Variants in ENTHD1 observed in about 807,000 individuals in gnomAD.
ENTHD1 encodes ENTH domain-containing protein 1.
A neutral mutation model predicts 39.1 loss-of-function variants in ENTHD1; 23 were observed. That is an observed-to-expected ratio of 0.59 (90% CI 0.42 to 0.83). The LOEUF (loss-of-function observed/expected upper bound fraction) is 0.83, where lower values mean the gene tolerates loss of function less well. ENTHD1 is among the 40% of genes least tolerant of loss of function. The pLI is 0.00. For missense variants in ENTHD1, 624 were observed against 705.4 expected (o/e 0.88, Z 1.31); for synonymous variants, 230 against 258.2 (o/e 0.89, Z 1.05).
chr22:39,830,121 G>T (rs982175523), intron 4 of ENTHD1, among the ~76,000 whole-genome samples: 1 of 152,158 alleles, frequency 6.6e-6, no homozygotes, highest in Non-Finnish European at 1.5e-5. Context: ...TGTCACCCAG[G>T]CTGGAGTGCA....
At chr22:39,838,465 C>T (rs544643889) in intron 3 of ENTHD1, among the ~76,000 whole-genome samples, 1 of 152,142 alleles carries the variant, frequency 6.6e-6, no homozygotes, top group Non-Finnish European at 1.5e-5. Context: ...TAATAAAGCA[C>T]CTTCTTGTCC....
chr22:39,848,402 C>G (rs2066008367), intron 3 of ENTHD1, among the ~76,000 whole-genome samples: 1 of 151,938 alleles, frequency 6.6e-6, no homozygotes, highest in Admixed American at 6.6e-5. Context: ...TACAGGCATG[C>G]ACCACCATGC....
chr22:39,746,271 T>C (rs1265857476), intron 6 of ENTHD1, among the ~76,000 whole-genome samples: 1 of 152,154 alleles, frequency 6.6e-6, no homozygotes, highest in Non-Finnish European at 1.5e-5. Flanking sequence ...TCTCATTGAT[T>C]GCTTATATTT....
In ENTHD1 at chr22:39,886,896, TTAATTA is replaced by T. The variant is rs2066383113; in HGVS notation, c.349+498_349+503del. ...CCTTAATTTATGACTAAATTCCAGT[TTAATTA>T]TAATTATAAATTACAGTGACATTAT... On this transcript the variant is annotated intron_variant, in intron 2 of 6. Coordinates refer to ENST00000325157, the MANE Select transcript of ENTHD1 (RefSeq NM_152512.4). Among the ~76,000 whole-genome samples the T allele has an allele frequency of 3.9e-5, 6 of 152,360 alleles. No individual in the cohort carries two copies. In the South Asian group the frequency reaches 1.0e-3, roughly 26 times the overall value.
At chr22:39,806,893 TC>T (rs2065645215) in intron 5 of ENTHD1, among the ~76,000 whole-genome samples, 1 of 152,142 alleles carries the variant, frequency 6.6e-6, no homozygotes, top group Admixed American at 6.6e-5. Context: ...GGGAGGGTTT[TC>T]CCTGCTGAGA....
intron 3 of ENTHD1, among the ~76,000 whole-genome samples, chr22:39,855,442 T>C (rs2066077270): frequency 6.6e-6 from 1 of 152,198 alleles, no homozygotes; most frequent in Non-Finnish European, 1.5e-5. Flanking sequence ...ATTGTAGAAA[T>C]GATTTGTGGT....
chr22:39,872,222 C>T (rs1037793416), intron 2 of ENTHD1, among the ~76,000 whole-genome samples: 8 of 152,180 alleles, frequency 5.3e-5, no homozygotes, highest in African/African-American at 1.9e-4. Flanking sequence ...TGTATTAATG[C>T]CCCCAAATTT....
intron 6 of ENTHD1, chr22:39,750,658 CG>C (rs2065140926): frequency 6.6e-6 from 1 of 152,492 alleles, no homozygotes; most frequent in African/African-American, 2.4e-5. Flanking sequence ...GCCATCATCA[CG>C]GGCTGTTCAG....
Position 39,848,545 on chromosome 22 carries a change from C to T in ENTHD1, c.593-12587G>A, listed in dbSNP as rs920344513. Among the ~76,000 whole-genome samples the T allele has an allele frequency of 5.5e-4, 83 of 152,184 alleles. 1 individual carries two copies. The highest frequency in any genetic ancestry group is 2.6e-4 in the Non-Finnish European group (18 of 68,038). On this transcript the variant is annotated intron_variant, in intron 3 of 6. Coordinates refer to ENST00000325157, the MANE Select transcript of ENTHD1 (RefSeq NM_152512.4). Reference sequence around the variant, plus strand: ...GGGATTACAGGCATGAGCCACAGCGCCCGGCCAACTCTCTGCTTTTAAAGG... The same window carrying T: ...GGGATTACAGGCATGAGCCACAGCGTCCGGCCAACTCTCTGCTTTTAAAGG...
At chr22:39,788,879 C>CT (rs1047347915) in intron 5 of ENTHD1, among the ~76,000 whole-genome samples, 27 of 152,216 alleles carry the variant, frequency 1.8e-4, no homozygotes, top group African/African-American at 5.5e-4. Context: ...GATTGTTAGC[C>CT]TTTTTTAGCA....
At position 39,887,875 on chromosome 22, in the gene ENTHD1, A is replaced by T. The variant is rs1225610904; in HGVS notation, c.-127T>A. 3 of 633,320 alleles carry T rather than the reference A, an allele frequency of 4.7e-6. No individual in the cohort carries two copies. The highest frequency in any genetic ancestry group is 3.7e-5 in the African/African-American group (2 of 54,490). 39.2% of individuals were successfully genotyped at this position (633,320 alleles called of 1,614,324 possible). ...CTGCTGCTCCCAAATACAAATAATT[A>T]ATCTCTATGTTGATAAAGTATCAAT... On this transcript the variant is annotated 5_prime_UTR_variant, in exon 2 of 7. Coordinates refer to ENST00000325157, the MANE Select transcript of ENTHD1 (RefSeq NM_152512.4).
chr22:39,764,063 C>G (rs1416060481), intron 6 of ENTHD1, among the ~76,000 whole-genome samples: 1 of 152,144 alleles, frequency 6.6e-6, no homozygotes, highest in Non-Finnish European at 1.5e-5. Context: ...TCTTTTGTTA[C>G]TCATTGACCT....
intron 5 of ENTHD1, among the ~76,000 whole-genome samples, chr22:39,808,311 A>G (rs1308583374): frequency 6.6e-6 from 1 of 152,028 alleles, no homozygotes; most frequent in African/African-American, 2.4e-5. Context: ...CTATCCTGAT[A>G]CCTCATTTGT....
At chr22:39,744,412 T>G in intron 6 of ENTHD1, 129 bp from the exon 7 acceptor site, 2 of 816,404 alleles carry the variant, frequency 2.4e-6, no homozygotes, top group Non-Finnish European at 3.5e-6. Flanking sequence ...GAATTTTAAA[T>G]GTTAACTATT....
At chr22:39,835,991 T>C (rs778492802) in intron 3 of ENTHD1, 33 bp from the exon 4 acceptor site, 2 of 1,510,968 alleles carry the variant, frequency 1.3e-6, no homozygotes, top group Admixed American at 1.9e-5. Context: ...GATTTTACTT[T>C]GGCAAAACAC....
intron 2 of ENTHD1, among the ~76,000 whole-genome samples, chr22:39,878,531 CA>C (rs2066309503): frequency 1.3e-5 from 2 of 148,904 alleles, no homozygotes; most frequent in South Asian, 2.1e-4. Flanking sequence ...AAACCAGAGG[CA>C]AAAAACACCT....
At chr22:39,833,633 T>C (rs748701117) in intron 4 of ENTHD1, among the ~76,000 whole-genome samples, 60 of 151,650 alleles carry the variant, frequency 4.0e-4, no homozygotes, top group Non-Finnish European at 5.9e-4. Context: ...AAGATCAAAT[T>C]GAGGAACTCA....
chr22:39,771,235 C>T (rs1235112484), intron 5 of ENTHD1, among the ~76,000 whole-genome samples: 1 of 151,996 alleles, frequency 6.6e-6, no homozygotes, highest in Non-Finnish European at 1.5e-5. Context: ...TGTAAAGAAA[C>T]CAATAACCTG....
At position 39,743,755 on chromosome 22, in the gene ENTHD1, A is replaced by T; in HGVS notation, c.1748T>A (p.Met583Lys). The part of the protein sequence containing the change: ...LNVINNILMS[M>K]SLNSSQISQS... ...GCTTATTTGTGAACTATTCAGACTC[A>T]TGCTCATCAAGATGTTATTGATGAC... Residue 583 changes from methionine to lysine, a missense_variant, in exon 7 of 7, where the codon ATG (methionine) becomes AAG (lysine). By Grantham distance (95) the Met-to-Lys change is moderately conservative. Coordinates refer to ENST00000325157, the MANE Select transcript of ENTHD1 (RefSeq NM_152512.4). 6.2e-7 allele frequency: 1 copy of T among 1,614,192 alleles called. No homozygotes were observed. The highest frequency in any genetic ancestry group is 2.2e-5 in the East Asian group (1 of 44,890).
Sources: allele counts gnomAD v4.1 joint callset (sites outside exome capture counted in the v4.1 genomes callset), GRCh38; gene constraint gnomAD v4.1.1; transcripts MANE v1.5; gene names NCBI Gene and HGNC (gene_info 2026-07-23, HGNC 2026-07-21).